The following NCAM2 variants were observed in gnomAD, a reference collection of about 807,000 sequenced individuals.
The protein encoded by NCAM2 is neural cell adhesion molecule 2.
In NCAM2, 30 loss-of-function variants were observed where a neutral mutation model predicts 98.1. The ratio of observed to expected loss-of-function variants is 0.31; its 90% CI spans 0.23 to 0.41. NCAM2 has a LOEUF of 0.41. NCAM2 is among the 10% of genes least tolerant of loss of function. The pLI, the probability that NCAM2 is intolerant of heterozygous loss-of-function variation, is 1.00. For missense variants in NCAM2, 867 were observed against 1,005.8 expected (o/e 0.86, Z 1.87); for synonymous variants, 368 against 342.4 (o/e 1.07, Z -0.83).
chr21:21,510,797 A>G lies in NCAM2; in HGVS notation c.2282+1742A>G, dbSNP rs908968439. Reference sequence around the variant, plus strand: ...AACATTTTTACTCTCATGGAAGTATAATATTCTAAAAGGCTTAGCTATTAT... The same window carrying G: ...AACATTTTTACTCTCATGGAAGTATGATATTCTAAAAGGCTTAGCTATTAT... On this transcript the variant is annotated intron_variant, in intron 16 of 17. Transcript: ENST00000400546. Among the ~76,000 whole-genome samples the G allele has an allele frequency of 3.9e-5, 6 of 152,136 alleles. No homozygotes were observed. In the South Asian group the frequency reaches 1.0e-3, roughly 26 times the overall value.
intron 9 of NCAM2, among the ~76,000 whole-genome samples, chr21:21,394,709 G>A (rs985974617): frequency 2.0e-5 from 3 of 151,546 alleles, no homozygotes; most frequent in African/African-American, 2.4e-5. Flanking sequence ...GGATGGTCTC[G>A]ATCTCCTGAC....
intron 1 of NCAM2, among the ~76,000 whole-genome samples, chr21:21,254,898 T>G (rs2071607209): frequency 1.4e-5 from 2 of 147,778 alleles, no homozygotes; most frequent in Admixed American, 6.7e-5. Flanking sequence ...GGATAATAGT[T>G]TGTGTGTGTG....
At chr21:21,419,110 G>T (rs947313401) in intron 11 of NCAM2, among the ~76,000 whole-genome samples, 1 of 151,992 alleles carries the variant, frequency 6.6e-6, no homozygotes, top group South Asian at 2.1e-4. Context: ...TGTTAGCAAA[G>T]AATATATTTT....
intron 1 of NCAM2, among the ~76,000 whole-genome samples, chr21:21,060,847 G>C (rs1486974462): frequency 1.3e-5 from 2 of 152,110 alleles, no homozygotes; most frequent in Non-Finnish European, 2.9e-5. Context: ...GGTTGATGGT[G>C]AATGTCCTTG....
intron 1 of NCAM2, among the ~76,000 whole-genome samples, chr21:21,135,277 A>G (rs2067025305): frequency 6.6e-6 from 1 of 150,386 alleles, no homozygotes; most frequent in African/African-American, 2.4e-5. Context: ...TCTGAACTCA[A>G]TCAGTCCTCC....
intron 14 of NCAM2, among the ~76,000 whole-genome samples, chr21:21,472,085 C>T (rs1250130582): frequency 6.6e-6 from 1 of 151,986 alleles, no homozygotes; most frequent in African/African-American, 2.4e-5. Context: ...TAATTTAGTA[C>T]ATAGATTTTT....
At chr21:21,314,781 A>G (rs572458632) in intron 5 of NCAM2, among the ~76,000 whole-genome samples, 1 of 147,442 alleles carries the variant, frequency 6.8e-6, no homozygotes, top group Non-Finnish European at 1.5e-5. Context: ...GTTGTTGTTA[A>G]CATAAGTAGA....
intron 9 of NCAM2, among the ~76,000 whole-genome samples, chr21:21,396,744 T>C (rs984758472): frequency 1.3e-5 from 2 of 152,148 alleles, no homozygotes; most frequent in African/African-American, 4.8e-5. Flanking sequence ...CACAAGCATC[T>C]GGACCAGGGG....
At chr21:21,009,692 C>T (rs2064171734) in intron 1 of NCAM2, among the ~76,000 whole-genome samples, 1 of 151,744 alleles carries the variant, frequency 6.6e-6, no homozygotes. Context: ...CAAGATAATC[C>T]CCCATAGTTA....
In NCAM2 at chr21:21,408,026, T is replaced by TA. The variant is rs149450239; in HGVS notation, c.1196-2242dup. Among the ~76,000 whole-genome samples the TA allele has an allele frequency of 6.9e-3, 1,044 of 152,288 alleles. 14 individuals carry two copies. The highest frequency in any genetic ancestry group is 0.023 in the African/African-American group (969 of 41,552). On this transcript the variant is annotated intron_variant, in intron 9 of 17. Transcript: ENST00000400546. ...TTTCCAGTCAATTCAATGTACAGTT[T>TA]AAAAAACACTGTGTAAGCCATTAGA...
At chr21:21,159,580 T>A (rs1338581800) in intron 1 of NCAM2, among the ~76,000 whole-genome samples, 1 of 152,204 alleles carries the variant, frequency 6.6e-6, no homozygotes, top group Non-Finnish European at 1.5e-5. Flanking sequence ...TATACTAACA[T>A]GCTATACGTG....
At chr21:21,166,934 T>G (rs1260492264) in intron 1 of NCAM2, among the ~76,000 whole-genome samples, 1 of 152,106 alleles carries the variant, frequency 6.6e-6, no homozygotes, top group Non-Finnish European at 1.5e-5. Context: ...AAACGCCATT[T>G]CATCAACTTA....
rs28886348 is a variant in NCAM2, at chr21:21,396,813, G to A, written c.1196-13461G>A. On this transcript the variant is annotated intron_variant, in intron 9 of 17. Transcript: ENST00000400546. Reference sequence around the variant, plus strand: ...GGGAGTGAACAGCCCCAAAGATGGTGTTACATCACGCCACAGCCCTGGCAT... The same window carrying A: ...GGGAGTGAACAGCCCCAAAGATGGTATTACATCACGCCACAGCCCTGGCAT... 5.5e-3 allele frequency among the ~76,000 whole-genome samples: 832 copies of A among 152,298 alleles called. 10 individuals carry two copies. The highest frequency in any genetic ancestry group is 0.024 in the Middle Eastern group (7 of 294).
At chr21:21,217,997 T>C (rs569535823) in intron 1 of NCAM2, among the ~76,000 whole-genome samples, 1 of 152,324 alleles carries the variant, frequency 6.6e-6, no homozygotes, top group Non-Finnish European at 1.5e-5. Flanking sequence ...ATGAAATGCA[T>C]TCCTGTGAGC....
At chr21:21,390,108 A>C (rs1602193667) in intron 9 of NCAM2, among the ~76,000 whole-genome samples, 1 of 152,136 alleles carries the variant, frequency 6.6e-6, no homozygotes, top group South Asian at 2.1e-4. Context: ...TCGGCCTCCC[A>C]AAGTGCTGGG....
chr21:21,091,396 C>CT (rs1041776076), intron 1 of NCAM2, among the ~76,000 whole-genome samples: 1 of 151,918 alleles, frequency 6.6e-6, no homozygotes, highest in East Asian at 1.9e-4. Context: ...TGTAGCAAAT[C>CT]TTTTTTTCAA....
intron 14 of NCAM2, among the ~76,000 whole-genome samples, chr21:21,474,500 T>C (rs1984889674): frequency 6.6e-6 from 1 of 152,046 alleles, no homozygotes; most frequent in Non-Finnish European, 1.5e-5. Flanking sequence ...CTCTAAAGAA[T>C]ACTTTTTTTT....
At chr21:21,299,827 G>C (rs1193688007) in intron 5 of NCAM2, among the ~76,000 whole-genome samples, 2 of 151,788 alleles carry the variant, frequency 1.3e-5, no homozygotes, top group Admixed American at 6.6e-5. Context: ...GGTATCTATG[G>C]GAAGTTGGTT....
rs564116632 is a variant in NCAM2, at chr21:21,090,506, A to G, written c.55+91888A>G. On this transcript the variant is annotated intron_variant, in intron 1 of 17. Transcript: ENST00000400546. ...TAAAAAAGCAAGCATTGCCATCAGTAGATATATCTTACTTCCTTTTCAAGA... is the reference window on the plus strand; with the variant it reads ...TAAAAAAGCAAGCATTGCCATCAGTGGATATATCTTACTTCCTTTTCAAGA... Among the ~76,000 whole-genome samples, 5 of 152,306 alleles carry G rather than the reference A, an allele frequency of 3.3e-5. No individual in the cohort carries two copies. The South Asian group carries it at 1.0e-3, about 32-fold the overall frequency.
Sources: allele counts gnomAD v4.1 joint callset (sites outside exome capture counted in the v4.1 genomes callset), GRCh38; gene constraint gnomAD v4.1.1; transcripts MANE v1.5; gene names NCBI Gene and HGNC (gene_info 2026-07-23, HGNC 2026-07-21).